Variants in PCDH8 observed in about 807,000 individuals in gnomAD.
PCDH8 encodes protocadherin 8, also known as protocadherin-8.
In PCDH8, 36 loss-of-function variants were observed where a neutral mutation model predicts 58.2. The observed-to-expected ratio is 0.62, with a 90% CI of 0.47 to 0.82. The LOEUF is 0.82. Ranked by LOEUF, PCDH8 falls within the 40% of genes least tolerant of loss-of-function variation. PCDH8 has a pLI of 0.00. For synonymous variants in PCDH8, 775 were observed against 728.9 expected, an observed-to-expected ratio of 1.06 and a Z score of -1.02; for missense variants, 1,493 against 1,567.8, an observed-to-expected ratio of 0.95 and a Z score of 0.81.
At position 52,846,310 on chromosome 13, in the gene PCDH8, C is replaced by G; in HGVS notation, c.2127G>C (p.Val709=). The change falls in exon 1 of 3, where the codon GTG becomes GTC. Residue 709 remains valine (V), a synonymous_variant. Transcript: ENST00000377942. ...PLTTTATVSF[V]VTAGGGRGPA... Reference sequence around the variant, plus strand: ...GCCCACGCCCGCCCCCTGCTGTTACCACGAAGCTGACAGTTGCGGTGGTGG... The same window carrying G: ...GCCCACGCCCGCCCCCTGCTGTTACGACGAAGCTGACAGTTGCGGTGGTGG... 6.4e-7 allele frequency: 1 copy of G among 1,572,438 alleles called. No individual in the cohort carries two copies. Among genetic ancestry groups the G allele is most frequent in the South Asian group, 1.2e-5 (1 of 86,848 alleles).
At position 52,845,826 on chromosome 13, in the gene PCDH8, GCCGCTGCTGCC is replaced by G; in HGVS notation, c.2600_2610del (p.Gly867AlafsTer49). 6.6e-7 allele frequency: 1 copy of G among 1,511,628 alleles called. No individual in the cohort carries two copies. Among genetic ancestry groups the G allele is most frequent in the Non-Finnish European group, 8.8e-7 (1 of 1,137,956 alleles). The allele number at this position is 1,511,628 out of a possible 1,614,324, so 93.6% of individuals were successfully genotyped here. A position where few individuals can be genotyped will look rare whatever the true frequency, so the allele number is the denominator to read the frequency against. ...CTCACCTCGGCGTGCGCGCCGCGGAGCCGCTGCTGCCCCTCGAAGTGACAGGCGCTTTCCCC... is the reference window on the plus strand; with the variant it reads ...CTCACCTCGGCGTGCGCGCCGCGGAGCCTCGAAGTGACAGGCGCTTTCCCC... On this transcript the variant is annotated frameshift_variant, in exon 1 of 3. Transcript: ENST00000377942. LOFTEE classifies it high-confidence loss of function.
Position 52,846,990 on chromosome 13 carries a change from A to G in PCDH8, c.1447T>C (p.Tyr483His). 1 of 1,586,752 alleles carries G rather than the reference A, an allele frequency of 6.3e-7. No individual in the cohort carries two copies. The highest frequency in any genetic ancestry group is 8.6e-7 in the Non-Finnish European group (1 of 1,169,388). The change falls in exon 1 of 3, where the codon TAC (tyrosine) becomes CAC (histidine). Residue 483 changes from tyrosine to histidine, a missense_variant. Around this residue, in one of 3 missense-constraint regions of PCDH8, gnomAD observed 1,307 missense variants for 1,362.7 expected, o/e 0.96. Coordinates refer to ENST00000377942, the MANE Select transcript of PCDH8 (RefSeq NM_002590.4). Reference protein sequence around the residue: ...GAPPLRTVRPYTVRVGDENDN... With the variant: ...GAPPLRTVRPHTVRVGDENDN... Reference sequence around the variant, plus strand: ...TTCTCGTCGCCCACACGCACCGTGTAGGGCCGCACTGTGCGCAGCGGGGGC... The same window carrying G: ...TTCTCGTCGCCCACACGCACCGTGTGGGGCCGCACTGTGCGCAGCGGGGGC...
chr13:52,845,915 G>A lies in PCDH8; in HGVS notation c.2522C>T (p.Pro841Leu). 6.8e-7 allele frequency: 1 copy of A among 1,478,082 alleles called. No homozygotes were observed. The highest frequency in any genetic ancestry group is 2.7e-5 in the East Asian group (1 of 36,688). 91.6% of individuals were successfully genotyped at this position (1,478,082 alleles called of 1,614,324 possible). Reference protein sequence around the residue: ...PFGSPAADAPPPAVAAAEVPG... With the variant: ...PFGSPAADAPLPAVAAAEVPG... ...CACTTCGGCCGCGGCGACCGCAGGC[G>A]GAGGCGCGTCCGCCGCGGGGCTGCC... The change falls in exon 1 of 3, where the codon CCG becomes CTG. Residue 841 changes from proline to leucine, a missense_variant. Physicochemically the swap from Pro to Leu is moderately conservative, Grantham distance 98. Coordinates refer to ENST00000377942, the MANE Select transcript of PCDH8 (RefSeq NM_002590.4).
In PCDH8 at chr13:52,847,817, C is replaced by G; in HGVS notation, c.620G>C (p.Ser207Thr). 1 of 1,487,028 alleles carries G rather than the reference C, an allele frequency of 6.7e-7. No individual in the cohort carries two copies. Among genetic ancestry groups the G allele is most frequent in the South Asian group, 1.3e-5 (1 of 74,274 alleles). The allele number at this position is 1,487,028 out of a possible 1,614,324, so 92.1% of individuals were successfully genotyped here. Residue 207 changes from serine (S) to threonine (T), a missense_variant, in exon 1 of 3, where the codon AGC (serine) becomes ACC (threonine). Ser to Thr is a moderately conservative substitution (Grantham distance 58). Transcript: ENST00000377942. ...LVLLQELDRE[S>T]QAAYSLELVA... Reference sequence around the variant, plus strand: ...CAGCTCCAGGCTGTAGGCGGCCTGGCTCTCGCGGTCCAGCTCCTGCAGCAG... The same window carrying G: ...CAGCTCCAGGCTGTAGGCGGCCTGGGTCTCGCGGTCCAGCTCCTGCAGCAG...
chr13:52,847,935 C>G lies in PCDH8; in HGVS notation c.502G>C (p.Gly168Arg), dbSNP rs1384362130. The G allele has an allele frequency of 1.2e-6, 2 of 1,606,064 alleles. No individual in the cohort carries two copies. Among genetic ancestry groups the G allele is most frequent in the Non-Finnish European group, 1.7e-6 (2 of 1,178,004 alleles). Residue 168 changes from glycine to arginine, a missense_variant, in exon 1 of 3, where the codon GGG becomes CGG. Physicochemically the swap from Gly to Arg is moderately radical, Grantham distance 125. Transcript: ENST00000377942. Reference sequence around the variant, plus strand: ...TCGGCCAGGCGCACGGTCTGCAGCCCGTTGGCGCCCACGTCCTCGTCCACC... The same window carrying G: ...TCGGCCAGGCGCACGGTCTGCAGCCGGTTGGCGCCCACGTCCTCGTCCACC... The part of the protein sequence containing the change: ...VPVDEDVGAN[G>R]LQTVRLAEPH...
rs548787593 is a variant in PCDH8, at chr13:52,845,622, G to A, written c.2642C>T (p.Ala881Val). 2 of 1,613,950 alleles carry A rather than the reference G, an allele frequency of 1.2e-6. No individual in the cohort carries two copies. The highest frequency in any genetic ancestry group is 2.7e-5 in the African/African-American group (2 of 75,040). Residue 881 changes from alanine (A) to valine (V), a missense_variant, in exon 2 of 3, where the codon GCC (alanine) becomes GTC (valine). By Grantham distance (64) the Ala-to-Val change is moderately conservative. Coordinates refer to ENST00000377942, the MANE Select transcript of PCDH8 (RefSeq NM_002590.4). ...LRGAHAEPYG[A>V]SPGFGKEPAP... is the part of the protein sequence containing the mutation. ...CGGCTCCTTTCCAAAACCCGGGGAG[G>A]CACCGTAGGGCTGCAGCAGGGAATA...
In PCDH8 at chr13:52,847,015, C is replaced by A. The variant is rs1293435682; in HGVS notation, c.1422G>T (p.Ala474=). Residue 474 remains alanine (A), a synonymous_variant, in exon 1 of 3, where the codon GCG becomes GCT. Coordinates refer to ENST00000377942, the MANE Select transcript of PCDH8 (RefSeq NM_002590.4). ...AGGGCCGCACTGTGCGCAGCGGGGGCGCGCCGCGATCCTCGGCCACCAGCG... is the reference window on the plus strand; with the variant it reads ...AGGGCCGCACTGTGCGCAGCGGGGGAGCGCCGCGATCCTCGGCCACCAGCG... ...NLTLVAEDRG[A]PPLRTVRPYT... 4 of 1,566,432 alleles carry A rather than the reference C, an allele frequency of 2.6e-6. No individual in the cohort carries two copies. The Admixed American group carries it at 5.5e-5, about 21-fold the overall frequency.
chr13:52,847,507 C>T lies in PCDH8; in HGVS notation c.930G>A (p.Gly310=), dbSNP rs1965761371. ...DPRSGRLTLA[G]PVDYERQDTY... is the part of the protein sequence containing the mutation. ...TGTCCTGACGCTCGTAGTCCACGGG[C>T]CCGGCCAGGGTGAGGCGGCCTGATC... The change falls in exon 1 of 3, where the codon GGG becomes GGA. Residue 310 remains glycine, a synonymous_variant. Transcript: ENST00000377942. 9 of 1,587,220 alleles carry T rather than the reference C, an allele frequency of 5.7e-6. No homozygotes were observed. Among genetic ancestry groups the T allele is most frequent in the Non-Finnish European group, 6.8e-6 (8 of 1,173,358 alleles).
Position 52,846,493 on chromosome 13 carries a change from C to CT in PCDH8, c.1943dup (p.Leu649AlafsTer271). On this transcript the variant is annotated frameshift_variant, in exon 1 of 3. Coordinates refer to ENST00000377942, the MANE Select transcript of PCDH8 (RefSeq NM_002590.4). LOFTEE classifies it high-confidence loss of function. ...CCTGCTGCTGCAGCTCGAACGCCAG[C>CT]TCCCCGTTGGCTCCCTCGTCTGCAT... is the stretch of plus-strand genomic sequence containing the variant. 1 of 1,597,812 alleles carries CT rather than the reference C, an allele frequency of 6.3e-7. No homozygotes were observed. The highest frequency in any genetic ancestry group is 1.3e-5 in the African/African-American group (1 of 75,008).
Position 52,846,334 on chromosome 13 carries a change from G to C in PCDH8, c.2103C>G (p.Thr701=). The C allele has an allele frequency of 1.3e-6, 2 of 1,566,836 alleles. No individual in the cohort carries two copies. Among genetic ancestry groups the C allele is most frequent in the Non-Finnish European group, 1.7e-6 (2 of 1,158,022 alleles). Residue 701 remains threonine, a synonymous_variant, in exon 1 of 3, where the codon ACC becomes ACG. Transcript: ENST00000377942. ...CCACGAAGCTGACAGTTGCGGTGGT[G>C]GTGAGCGGGGGACGGCCGCCGTCGG... ...VISDGGRPPL[T]TTATVSFVVT...
chr13:52,844,642 A>G lies in PCDH8; in HGVS notation c.3131T>C (p.Leu1044Pro), dbSNP rs746599423. 1.9e-6 allele frequency: 3 copies of G among 1,613,880 alleles called. No homozygotes were observed. Among genetic ancestry groups the G allele is most frequent in the Non-Finnish European group, 2.5e-6 (3 of 1,179,810 alleles). The change falls in exon 3 of 3, where the codon CTG becomes CCG. Residue 1044 changes from leucine (L) to proline (P), a missense_variant. Leu to Pro is a moderately conservative substitution (Grantham distance 98). Transcript: ENST00000377942. ...GTAGAGGGGTACTCCAATCTCCTGC[A>G]GGTCTGGGAGCCTCCCTGGACGGGG... is the stretch of plus-strand genomic sequence containing the variant. ...SPPRPGRLPD[L>P]QEIGVPLYQS...
Position 52,843,876 on chromosome 13 carries a change from G to T in PCDH8, c.*684C>A, listed in dbSNP as rs2138351327. Reference sequence around the variant, plus strand: ...TAATATTGTCATGAACATTAATAATGCCCAAATAATTAGCACTTGAAAGAA... The same window carrying T: ...TAATATTGTCATGAACATTAATAATTCCCAAATAATTAGCACTTGAAAGAA... On this transcript the variant is annotated 3_prime_UTR_variant, in exon 3 of 3. Coordinates refer to ENST00000377942, the MANE Select transcript of PCDH8 (RefSeq NM_002590.4). The T allele has an allele frequency of 6.6e-6, 1 of 152,334 alleles. No individual in the cohort carries two copies. Among genetic ancestry groups the T allele is most frequent in the African/African-American group, 2.4e-5 (1 of 41,564 alleles). 9.4% of individuals were successfully genotyped at this position (152,334 alleles called of 1,614,324 possible).
Position 52,847,797 on chromosome 13 carries a change from C to T in PCDH8, c.640G>A (p.Glu214Lys). 1 of 1,481,582 alleles carries T rather than the reference C, an allele frequency of 6.7e-7. No individual in the cohort carries two copies. The highest frequency in any genetic ancestry group is 8.9e-7 in the Non-Finnish European group (1 of 1,124,386). 91.8% of individuals were successfully genotyped at this position (1,481,582 alleles called of 1,614,324 possible). A position where few individuals can be genotyped will look rare whatever the true frequency, so the allele number is the denominator to read the frequency against. The change falls in exon 1 of 3, where the codon GAG (glutamate) becomes AAG (lysine). Residue 214 changes from glutamate (E) to lysine (K), a missense_variant. Glu to Lys is a moderately conservative substitution (Grantham distance 56). Coordinates refer to ENST00000377942, the MANE Select transcript of PCDH8 (RefSeq NM_002590.4). ...DRESQAAYSL[E>K]LVAQDGGRPP... ...CGGCCGCCGTCCTGGGCCACCAGCT[C>T]CAGGCTGTAGGCGGCCTGGCTCTCG...
In PCDH8 at chr13:52,843,299, T is replaced by G. The variant is rs1046697499; in HGVS notation, c.*1261A>C. 13 of 152,354 alleles carry G rather than the reference T, an allele frequency of 8.5e-5. No homozygotes were observed. The highest frequency in any genetic ancestry group is 3.1e-4 in the African/African-American group (13 of 41,580). The allele number at this position is 152,354 out of a possible 1,614,324, so 9.4% of individuals were successfully genotyped here. Reference sequence around the variant, plus strand: ...AATTTCCCTACCTCACATGCACCTATGCTAGCATTGACAATTATCAATATC... The same window carrying G: ...AATTTCCCTACCTCACATGCACCTAGGCTAGCATTGACAATTATCAATATC... On this transcript the variant is annotated 3_prime_UTR_variant, in exon 3 of 3. Coordinates refer to ENST00000377942, the MANE Select transcript of PCDH8 (RefSeq NM_002590.4).
rs1965774761 is a variant in PCDH8 at position 52,848,147 on chromosome 13, C to T, written c.290G>A (p.Gly97Asp). The change falls in exon 1 of 3, where the codon GGC becomes GAC. Residue 97 changes from glycine (G) to aspartate (D), a missense_variant. Gly to Asp is a moderately conservative substitution (Grantham distance 94, BLOSUM62 -1). Around this residue, in one of 3 missense-constraint regions of PCDH8, gnomAD observed 1,307 missense variants for 1,362.7 expected, o/e 0.96. Transcript: ENST00000377942. ...DAGLDRERLC[G>D]QAPQCVLAFD... ...GGCCAGCACGCACTGCGGGGCCTGG[C>T]CACACAGCCGCTCGCGGTCCAGGCC... 4 of 1,612,532 alleles carry T rather than the reference C, an allele frequency of 2.5e-6. No individual in the cohort carries two copies. Among genetic ancestry groups the T allele is most frequent in the Non-Finnish European group, 3.4e-6 (4 of 1,179,744 alleles).
Position 52,847,324 on chromosome 13 carries a change from G to T in PCDH8, c.1113C>A (p.Ala371=), listed in dbSNP as rs768656417. The T allele has an allele frequency of 7.0e-6, 10 of 1,423,572 alleles. No homozygotes were observed. The highest frequency in any genetic ancestry group is 1.8e-4 in the Middle Eastern group (1 of 5,480). The allele number at this position is 1,423,572 out of a possible 1,614,324, so 88.2% of individuals were successfully genotyped here. Reference sequence around the variant, plus strand: ...CGAGTGCAGCGGCGGCGGCGGCAGCGGCGAAGGGTGAGGTTGCCGGCGCGC... The same window carrying T: ...CGAGTGCAGCGGCGGCGGCGGCAGCTGCGAAGGGTGAGGTTGCCGGCGCGC... The part of the protein sequence containing the change: ...APGAPATSPF[A]AAAAAAALGG... Residue 371 remains alanine, a synonymous_variant, in exon 1 of 3, where the codon GCC becomes GCA. Coordinates refer to ENST00000377942, the MANE Select transcript of PCDH8 (RefSeq NM_002590.4).
chr13:52,846,135 T>G lies in PCDH8; in HGVS notation c.2302A>C (p.Ile768Leu). The G allele has an allele frequency of 6.3e-7, 1 of 1,582,608 alleles. No individual in the cohort carries two copies. The change falls in exon 1 of 3, where the codon ATC becomes CTC. Residue 768 changes from isoleucine to leucine, a missense_variant. By Grantham distance (5) the Ile-to-Leu change is conservative. This residue lies in a region of PCDH8 where 1,307 missense variants were observed against 1,362.7 expected (regional missense o/e 0.96). Coordinates refer to ENST00000377942, the MANE Select transcript of PCDH8 (RefSeq NM_002590.4). ...CGGTTGCAGGTGGTGGCGATGGCGA[T>G]GATGGCGGCCAGCAGCAGCGTGCAG... Reference protein sequence around the residue: ...GSCTLLLAAIIAIATTCNRRK... With the variant: ...GSCTLLLAAILAIATTCNRRK...
rs1471592248 is a variant in PCDH8 at position 52,845,793 on chromosome 13, A to G, written c.2631+13T>C. 6.7e-7 allele frequency: 1 copy of G among 1,499,736 alleles called. No homozygotes were observed. The highest frequency in any genetic ancestry group is 2.2e-5 in the Admixed American group (1 of 46,024). The allele number at this position is 1,499,736 out of a possible 1,614,324, so 92.9% of individuals were successfully genotyped here. Reference sequence around the variant, plus strand: ...AGCTCGGAGGGGGGCGCCCAGCCGAAGGAAGGCCTCACCTCGGCGTGCGCG... The same window carrying G: ...AGCTCGGAGGGGGGCGCCCAGCCGAGGGAAGGCCTCACCTCGGCGTGCGCG... On this transcript the variant is annotated intron_variant, in intron 1 of 2. Transcript: ENST00000377942.
chr13:52,846,975 C>G lies in PCDH8; in HGVS notation c.1462G>C (p.Gly488Arg). 5.0e-6 allele frequency: 8 copies of G among 1,594,324 alleles called. No individual in the cohort carries two copies. The highest frequency in any genetic ancestry group is 6.8e-6 in the Non-Finnish European group (8 of 1,173,504). Residue 488 changes from glycine to arginine, a missense_variant, in exon 1 of 3, where the codon GGC (glycine) becomes CGC (arginine). Gly to Arg is a moderately radical substitution (Grantham distance 125). Transcript: ENST00000377942. ...RTVRPYTVRV[G>R]DENDNAPLFT... ...AGCGGCGCGTTGTCGTTCTCGTCGC[C>G]CACACGCACCGTGTAGGGCCGCACT...
Sources: gnomAD v4.1 joint callset for allele counts on GRCh38, gnomAD v4.1.1 for gene constraint, gnomAD v4.1.1 regional missense constraint, MANE v1.5 for transcripts, NCBI Gene and HGNC (gene_info 2026-07-23, HGNC 2026-07-21) for gene names.